UBE2Q2: variants seen among roughly 807,000 people sequenced by gnomAD.
UBE2Q2 encodes ubiquitin-conjugating enzyme E2 Q2.
A neutral mutation model predicts 59.9 loss-of-function variants in UBE2Q2; 54 were observed. The observed-to-expected ratio is 0.90, with a 90% CI of 0.72 to 1.13. The LOEUF (loss-of-function observed/expected upper bound fraction) is 1.13. Among genes scored for constraint, UBE2Q2 ranks in the 50% most tolerant of loss-of-function variants. The pLI is 0.00. For missense variants in UBE2Q2, 433 were observed against 441.9 expected, an observed-to-expected ratio of 0.98 and a Z score of 0.18; for synonymous variants, 165 against 155.2, an observed-to-expected ratio of 1.06 and a Z score of -0.47.
chr15:75,891,095 T>A, intron 11 of UBE2Q2, 81 bp downstream of exon 11: 1 of 1,100,496 alleles, frequency 9.1e-7, no homozygotes, highest in Non-Finnish European at 1.3e-6. Flanking sequence ...CTTGACTTAA[T>A]TCTTTTTTGA....
chr15:75,879,105 C>G lies in UBE2Q2; in HGVS notation c.742C>G (p.Pro248Ala), dbSNP rs1326476770. The change falls in exon 8 of 13, where the codon CCT becomes GCT. Residue 248 changes from proline to alanine, a missense_variant. Transcript: ENST00000267938. ...DWHVKLQKVDPDSPLHSDLQI... is the reference protein window; with the variant it reads ...DWHVKLQKVDADSPLHSDLQI... ...TTGTTTTGTAATTCTTAGGGTTGACCCTGATAGTCCTTTGCACAGTGATCT... is the reference window on the plus strand; with the variant it reads ...TTGTTTTGTAATTCTTAGGGTTGACGCTGATAGTCCTTTGCACAGTGATCT... 2 of 1,563,906 alleles carry G rather than the reference C, an allele frequency of 1.3e-6. No individual in the cohort carries two copies. The highest frequency in any genetic ancestry group is 2.0e-5 in the Admixed American group (1 of 50,550).
intron 1 of UBE2Q2, among the ~76,000 whole-genome samples, chr15:75,848,003 T>C (rs557947306): frequency 1.2e-4 from 18 of 152,310 alleles, no homozygotes; most frequent in Admixed American, 2.0e-4. Context: ...AGATACTAAA[T>C]TTTAAAAATG....
chr15:75,853,433 G>A (rs1896736935), intron 1 of UBE2Q2, among the ~76,000 whole-genome samples: 1 of 147,112 alleles, frequency 6.8e-6, no homozygotes, highest in Non-Finnish European at 1.5e-5. Context: ...ATTGTGCCAT[G>A]CACTCCGCCT....
intron 1 of UBE2Q2, among the ~76,000 whole-genome samples, chr15:75,851,462 A>C (rs991588457): frequency 2.0e-5 from 3 of 152,142 alleles, no homozygotes; most frequent in African/African-American, 7.2e-5. Context: ...ATCAAAATAC[A>C]TTCATCAATA....
At chr15:75,878,553 T>G (rs1898211107) in intron 7 of UBE2Q2, among the ~76,000 whole-genome samples, 1 of 144,164 alleles carries the variant, frequency 6.9e-6, no homozygotes, top group Non-Finnish European at 1.5e-5. Context: ...GTCACGATCG[T>G]ATCACTATAT....
chr15:75,858,739 C>T (rs1897055412), intron 2 of UBE2Q2, among the ~76,000 whole-genome samples: 1 of 152,150 alleles, frequency 6.6e-6, no homozygotes, highest in African/African-American at 2.4e-5. Context: ...GGTCTGTGTC[C>T]GGATTGCTCT....
chr15:75,872,270 G>A (rs1897836362), intron 4 of UBE2Q2, among the ~76,000 whole-genome samples: 1 of 151,662 alleles, frequency 6.6e-6, no homozygotes, highest in Admixed American at 6.6e-5. Flanking sequence ...CTATTGAATG[G>A]ATAGAAGGTA....
chr15:75,846,182 C>G (rs1219752167), intron 1 of UBE2Q2, among the ~76,000 whole-genome samples: 1 of 152,190 alleles, frequency 6.6e-6, no homozygotes, highest in East Asian at 1.9e-4. Context: ...CCAGACAGAT[C>G]ACTTCATCTG....
intron 1 of UBE2Q2, among the ~76,000 whole-genome samples, chr15:75,853,050 A>G (rs563395275): frequency 2.6e-4 from 40 of 152,376 alleles, no homozygotes; most frequent in Non-Finnish European, 4.9e-4. Flanking sequence ...ATATACGATA[A>G]TAATGGCTTT....
At chr15:75,893,843 T>G (rs1899244406) in intron 11 of UBE2Q2, among the ~76,000 whole-genome samples, 1 of 152,200 alleles carries the variant, frequency 6.6e-6, no homozygotes, top group South Asian at 2.1e-4. Context: ...AAATGAAATT[T>G]TAAAATGCTT....
In UBE2Q2 at chr15:75,844,618, T is replaced by A. The variant is rs1595845430; in HGVS notation, c.180+772T>A. 6.9e-6 allele frequency: 7 copies of A among 1,012,642 alleles called. No individual in the cohort carries two copies. In the East Asian group the frequency reaches 1.1e-4, roughly 16 times the overall value. 62.7% of individuals were successfully genotyped at this position (1,012,642 alleles called of 1,614,324 possible). A position where few individuals can be genotyped will look rare whatever the true frequency, so the allele number is the denominator to read the frequency against. On this transcript the variant is annotated intron_variant, in intron 1 of 12. Coordinates refer to ENST00000267938, the MANE Select transcript of UBE2Q2 (RefSeq NM_173469.4). ...TGTCACAAAGCCGAAAAGACACTTT[T>A]AAAAACTCACTCATTAAGCGGAAAT...
At chr15:75,873,854 C>T (rs1897928205) in intron 5 of UBE2Q2, among the ~76,000 whole-genome samples, 1 of 152,110 alleles carries the variant, frequency 6.6e-6, no homozygotes, top group Non-Finnish European at 1.5e-5. Flanking sequence ...TGCCACCATG[C>T]CAGGCTAGTT....
intron 8 of UBE2Q2, among the ~76,000 whole-genome samples, chr15:75,883,044 C>T (rs1898524418): frequency 6.6e-6 from 1 of 152,086 alleles, no homozygotes; most frequent in South Asian, 2.1e-4. Context: ...TTTTGTTCAC[C>T]TTTCTAGTTC....
intron 4 of UBE2Q2, among the ~76,000 whole-genome samples, chr15:75,872,401 G>A (rs1308965421): frequency 1.3e-5 from 2 of 151,594 alleles, no homozygotes; most frequent in Non-Finnish European, 2.9e-5. Context: ...TAAGGTAATT[G>A]CAAAAAGTTA....
chr15:75,893,878 C>T (rs1187848602), intron 11 of UBE2Q2, among the ~76,000 whole-genome samples: 2 of 152,102 alleles, frequency 1.3e-5, no homozygotes, highest in Non-Finnish European at 2.9e-5. Context: ...ATTAAAATTA[C>T]TAAAATTCTA....
chr15:75,891,120 C>A, intron 11 of UBE2Q2, 106 bp downstream of exon 11: 1 of 867,488 alleles, frequency 1.2e-6, no homozygotes, highest in Non-Finnish European at 1.7e-6. Context: ...GTTTCATTTT[C>A]ATTTGGTTTG....
At chr15:75,863,347 T>C (rs1897289740) in intron 3 of UBE2Q2, among the ~76,000 whole-genome samples, 1 of 152,222 alleles carries the variant, frequency 6.6e-6, no homozygotes, top group African/African-American at 2.4e-5. Flanking sequence ...AATTGTGTGT[T>C]TATTCTTCAC....
rs752089081 is a variant in UBE2Q2 at position 75,883,475 on chromosome 15, T to G, written c.884+51T>G. 2.7e-6 allele frequency: 4 copies of G among 1,503,218 alleles called. No individual in the cohort carries two copies. The East Asian group carries it at 9.2e-5, about 34-fold the overall frequency. 93.1% of individuals were successfully genotyped at this position (1,503,218 alleles called of 1,614,324 possible). On this transcript the variant is annotated intron_variant, in intron 9 of 12. Transcript: ENST00000267938. ...GAAATTTTTTTCAGTTAAAAAAAAT[T>G]TTTTTTTATAGGGACGAGATCTCAC...
intron 5 of UBE2Q2, among the ~76,000 whole-genome samples, chr15:75,875,079 T>C (rs1898002605): frequency 6.6e-6 from 1 of 152,244 alleles, no homozygotes; most frequent in Non-Finnish European, 1.5e-5. Context: ...ATGACTGTAC[T>C]TTATGTCTTG....
Sources: gnomAD v4.1 joint callset for allele counts (sites outside exome capture counted in the v4.1 genomes callset) on GRCh38, gnomAD v4.1.1 for gene constraint, MANE v1.5 for transcripts, NCBI Gene and HGNC (gene_info 2026-07-23, HGNC 2026-07-21) for gene names.